The following CEP295 variants were observed in gnomAD, a reference collection of about 807,000 sequenced individuals.
CEP295 encodes centrosomal protein 295, also known as centrosomal protein of 295 kDa.
Under a neutral mutation model 291.6 loss-of-function variants are expected in CEP295, and 190 were observed. That is an observed-to-expected ratio of 0.65 (90% CI 0.58 to 0.73). The LOEUF (loss-of-function observed/expected upper bound fraction) is 0.73. CEP295 is among the 30% of genes least tolerant of loss of function. The pLI, the probability that CEP295 is intolerant of heterozygous loss-of-function variation, is 0.00. For synonymous variants in CEP295, 993 were observed against 1,038.8 expected (o/e 0.96, Z 0.85); for missense variants, 2,863 against 2,949.4 (o/e 0.97, Z 0.68).
chr11:93,704,640 TC>T (rs1345822869), intron 17 of CEP295, among the ~76,000 whole-genome samples: 1 of 152,140 alleles, frequency 6.6e-6, no homozygotes, highest in East Asian at 1.9e-4. Flanking sequence ...ATCTTTCTCT[TC>T]CTCCCTTCAA....
At position 93,699,441 on chromosome 11, in the gene CEP295, AG is replaced by A; in HGVS notation, c.4530del (p.Gln1510HisfsTer3). 6.4e-7 allele frequency: 1 copy of A among 1,551,790 alleles called. No homozygotes were observed. Among genetic ancestry groups the A allele is most frequent in the Non-Finnish European group, 8.7e-7 (1 of 1,147,008 alleles). On this transcript the variant is annotated frameshift_variant, in exon 15 of 30. Coordinates refer to ENST00000325212, the MANE Select transcript of CEP295 (RefSeq NM_033395.2). LOFTEE classifies it high-confidence loss of function. ...SHHGDLQALQ[Q>X]QLDTQKKAIR... ...CATGGTGATTTGCAGGCACTTCAAC[AG>A]CAGTTAGATACACAGAAGAAAGCCA... is the stretch of plus-strand genomic sequence containing the variant.
chr11:93,712,004 G>GT (rs1465451675), intron 18 of CEP295, among the ~76,000 whole-genome samples: 1 of 152,030 alleles, frequency 6.6e-6, no homozygotes, highest in Non-Finnish European at 1.5e-5. Flanking sequence ...ATGTTTCTTT[G>GT]TTGATTTTCT....
rs1179506014 is a variant in CEP295 at position 93,698,059 on chromosome 11, G to T, written c.3147G>T (p.Gln1049His). The stretch of plus-strand genomic sequence containing the variant: ...ATGGGTCTTTGAGTTTCCTACAGCA[G>T]TTCCTACCTCTACATGATAGTTTGA... ...SQDGSLSFLQ[Q>H]FLPLHDSLKL... Residue 1049 changes from glutamine to histidine, a missense_variant, in exon 15 of 30, where the codon CAG becomes CAT. Gln to His is a conservative substitution (Grantham distance 24). Around this residue, in one of 3 missense-constraint regions of CEP295, gnomAD observed 2,295 missense variants for 2,335.7 expected, o/e 0.98. Coordinates refer to ENST00000325212, the MANE Select transcript of CEP295 (RefSeq NM_033395.2). The T allele has an allele frequency of 6.4e-7, 1 of 1,551,728 alleles. No homozygotes were observed. The highest frequency in any genetic ancestry group is 8.7e-7 in the Non-Finnish European group (1 of 1,147,018).
intron 9 of CEP295, among the ~76,000 whole-genome samples, chr11:93,687,177 T>C (rs962856107): frequency 5.9e-5 from 9 of 152,176 alleles, no homozygotes; most frequent in Admixed American, 2.0e-4. Flanking sequence ...TTGGGAGCAG[T>C]TGATTTGCTT....
intron 5 of CEP295, among the ~76,000 whole-genome samples, chr11:93,673,301 T>C (rs1950534636): frequency 6.6e-6 from 1 of 152,140 alleles, no homozygotes; most frequent in Admixed American, 6.5e-5. Flanking sequence ...TATATGTATA[T>C]GTGTATATGT....
chr11:93,712,856 TTTGTTGTTGTTG>T (rs56969423), intron 18 of CEP295, among the ~76,000 whole-genome samples: 25 of 148,882 alleles, frequency 1.7e-4, no homozygotes, highest in South Asian at 8.7e-4. Context: ...TTTCTTCTGT[TTTGTTGTTGTTG>T]TTGTTGTTGT....
intron 1 of CEP295, among the ~76,000 whole-genome samples, chr11:93,664,098 A>G (rs1950107247): frequency 6.6e-6 from 1 of 152,168 alleles, no homozygotes; most frequent in African/African-American, 2.4e-5. Context: ...TTAAAAATTC[A>G]GCAATATTAT....
At position 93,683,594 on chromosome 11, in the gene CEP295, A is replaced by G. The variant is rs1346061787; in HGVS notation, c.801A>G (p.Leu267=). The change falls in exon 8 of 30, where the codon CTA becomes CTG. Residue 267 remains leucine, a synonymous_variant. Transcript: ENST00000325212. The stretch of plus-strand genomic sequence containing the variant: ...AACTAATGAAAGAACTCAAACAGCT[A>G]CAGCAAGAGGACCTGGCACGTAGGA... ...QEKLMKELKQ[L]QQEDLARRRQ... The G allele has an allele frequency of 5.9e-6, 9 of 1,531,098 alleles. No homozygotes were observed. The highest frequency in any genetic ancestry group is 7.0e-6 in the Non-Finnish European group (8 of 1,142,108). 94.8% of individuals were successfully genotyped at this position (1,531,098 alleles called of 1,614,324 possible). A position where few individuals can be genotyped will look rare whatever the true frequency, so the allele number is the denominator to read the frequency against.
At chr11:93,696,652 A>C (rs1951859674) in intron 14 of CEP295, 30 bp from the exon 15 acceptor site, 1 of 1,489,750 alleles carries the variant, frequency 6.7e-7, no homozygotes, top group Non-Finnish European at 8.9e-7. Flanking sequence ...TCATTAAAAA[A>C]CAATAATTGT....
chr11:93,727,049 A>G lies in CEP295; in HGVS notation c.6573A>G (p.Pro2191=), dbSNP rs1220134558. 3 of 1,551,804 alleles carry G rather than the reference A, an allele frequency of 1.9e-6. No individual in the cohort carries two copies. The highest frequency in any genetic ancestry group is 4.9e-5 in the East Asian group (2 of 40,898). ...SQEESQHADL[P]SIFSIEARDS... ...AGGAGAGCCAGCATGCTGATCTACC[A>G]AGTATTTTTAGCATTGAAGCAAGAG... is the stretch of plus-strand genomic sequence containing the variant. Residue 2191 remains proline (P), a synonymous_variant, in exon 24 of 30, where the codon CCA becomes CCG. Transcript: ENST00000325212.
intron 15 of CEP295, among the ~76,000 whole-genome samples, chr11:93,700,902 C>T (rs1452262001): frequency 1.3e-5 from 2 of 152,098 alleles, no homozygotes; most frequent in African/African-American, 2.4e-5. Context: ...TCTCAAGTGA[C>T]ACTATTATGG....
chr11:93,675,687 T>C, intron 6 of CEP295, 21 bp downstream of exon 6: 2 of 1,164,686 alleles, frequency 1.7e-6, no homozygotes, highest in Non-Finnish European at 2.4e-6. Flanking sequence ...TATTGTTTCT[T>C]CATGCCCTCG....
chr11:93,696,595 A>G (rs1440482895), intron 14 of CEP295, 87 bp from the exon 15 acceptor site: 4 of 1,257,528 alleles, frequency 3.2e-6, no homozygotes, highest in East Asian at 2.5e-5. Context: ...CCAACCCTAG[A>G]TTGCTGTTTG....
In CEP295 at chr11:93,699,329, A is replaced by G. The variant is rs1242838624; in HGVS notation, c.4417A>G (p.Ile1473Val). The G allele has an allele frequency of 1.3e-6, 2 of 1,552,098 alleles. No homozygotes were observed. Among genetic ancestry groups the G allele is most frequent in the Non-Finnish European group, 1.7e-6 (2 of 1,147,066 alleles). The stretch of plus-strand genomic sequence containing the variant: ...TGCACAGACAGATTTCCTTCCTTCT[A>G]TTGAGAAAACCCAGAAAGAATTGGT... ...LHAQTDFLPSIEKTQKELVLS... is the reference protein window; with the variant it reads ...LHAQTDFLPSVEKTQKELVLS... Residue 1473 changes from isoleucine (I) to valine (V), a missense_variant, in exon 15 of 30, where the codon ATT (isoleucine) becomes GTT (valine). Physicochemically the swap from Ile to Val is conservative, Grantham distance 29. This residue lies in a region of CEP295 where 2,295 missense variants were observed against 2,335.7 expected (regional missense o/e 0.98). Transcript: ENST00000325212.
intron 1 of CEP295, among the ~76,000 whole-genome samples, chr11:93,664,817 C>T (rs375880522): frequency 3.3e-5 from 5 of 152,184 alleles, no homozygotes; most frequent in African/African-American, 7.2e-5. Context: ...TGGTTGAAAA[C>T]ATTGTGCATC....
At chr11:93,695,238 GAAATAGTTAATGTATTT>G (rs1366082654) in intron 12 of CEP295, among the ~76,000 whole-genome samples, 2 of 152,210 alleles carry the variant, frequency 1.3e-5, no homozygotes, top group African/African-American at 4.8e-5. Context: ...TCAGAAAGTA[GAAATAGTTAATGTATTT>G]ATTCTTTCTT....
intron 12 of CEP295, among the ~76,000 whole-genome samples, chr11:93,693,762 GAAAA>G (rs1323615886): frequency 1.3e-5 from 2 of 150,522 alleles, no homozygotes; most frequent in African/African-American, 2.5e-5. Flanking sequence ...CAAAAAAAAA[GAAAA>G]AAAGAAAAAA....
At chr11:93,674,788 T>A (rs1237367734) in intron 5 of CEP295, among the ~76,000 whole-genome samples, 4 of 152,222 alleles carry the variant, frequency 2.6e-5, no homozygotes, top group Admixed American at 2.6e-4. Context: ...GGTTTATTAT[T>A]TAATTTATGT....
At chr11:93,691,288 C>T (rs538865987) in intron 10 of CEP295, among the ~76,000 whole-genome samples, 2 of 152,292 alleles carry the variant, frequency 1.3e-5, no homozygotes, top group South Asian at 4.1e-4. Flanking sequence ...CTTTAACTTC[C>T]TTCTCTGCTC....
Sources: gnomAD v4.1 joint callset for allele counts (sites outside exome capture counted in the v4.1 genomes callset) on GRCh38, gnomAD v4.1.1 for gene constraint, gnomAD v4.1.1 regional missense constraint, MANE v1.5 for transcripts, NCBI Gene and HGNC (gene_info 2026-07-23, HGNC 2026-07-21) for gene names.